The following TNRC6C variants were observed in gnomAD, a reference collection of about 807,000 sequenced individuals.
TNRC6C encodes trinucleotide repeat containing adaptor 6C, also known as trinucleotide repeat-containing gene 6C protein.
TNRC6C carries 20 observed loss-of-function variants against 153.7 expected under a neutral mutation model. That is an observed-to-expected ratio of 0.13 (90% confidence interval 0.09 to 0.19). The LOEUF (loss-of-function observed/expected upper bound fraction) is 0.19. Ranked by LOEUF, TNRC6C falls within the 10% of genes least tolerant of loss-of-function variation. The pLI is 1.00. For missense variants in TNRC6C, 1,987 were observed against 2,172.0 expected (o/e 0.91, Z 1.69); for synonymous variants, 811 against 841.4 (o/e 0.96, Z 0.63).
At chr17:77,960,419 A>G (rs1037961207) in intron 1 of TNRC6C, among the ~76,000 whole-genome samples, 2 of 152,122 alleles carry the variant, frequency 1.3e-5, no homozygotes, top group African/African-American at 4.8e-5. Context: ...TCGCTGTGAG[A>G]GCCTCGTACG....
At chr17:78,093,537 C>T in intron 15 of TNRC6C, 83 bp from the exon 18 acceptor site, 1 of 1,529,080 alleles carries the variant, frequency 6.5e-7, no homozygotes, top group Non-Finnish European at 8.9e-7. Context: ...TTTCTACAAA[C>T]AGGACAAAAC....
chr17:77,995,803 A>C (rs1351307519), intron 1 of TNRC6C, among the ~76,000 whole-genome samples: 2 of 152,330 alleles, frequency 1.3e-5, no homozygotes, highest in East Asian at 3.9e-4. Context: ...TTTCTGACTT[A>C]ATTTGAGGTG....
In TNRC6C at chr17:78,101,245, C is replaced by T. The variant is rs183145665; in HGVS notation, c.4502-1229C>T. ...AATCTCTAGGGCAGGGGCAAAATGC[C>T]GCCAGTCTCTTTGCTAAAACAACAA... On this transcript the variant is annotated intron_variant, in intron 17 of 19. Transcript: ENST00000301624. Among the ~76,000 whole-genome samples the T allele has an allele frequency of 1.3e-4, 20 of 152,238 alleles. No individual in the cohort carries two copies. The South Asian group carries it at 2.7e-3, about 20-fold the overall frequency.
chr17:78,101,715 G>C lies in TNRC6C; in HGVS notation c.4502-759G>C, dbSNP rs578019765. Among the ~76,000 whole-genome samples, 19 of 152,236 alleles carry C rather than the reference G, an allele frequency of 1.2e-4. No homozygotes were observed. The South Asian group carries it at 3.3e-3, about 27-fold the overall frequency. On this transcript the variant is annotated intron_variant, in intron 17 of 19. Coordinates refer to ENST00000301624, the Ensembl canonical transcript of TNRC6C. ...ATCCCTTATGGGAGATAAAGGGATGGGTTTGGCTAGTTATCTGCAACAGGA... is the reference window on the plus strand; with the variant it reads ...ATCCCTTATGGGAGATAAAGGGATGCGTTTGGCTAGTTATCTGCAACAGGA...
intron 3 of TNRC6C, among the ~76,000 whole-genome samples, chr17:78,052,380 C>G (rs1047100107): frequency 2.6e-5 from 4 of 152,146 alleles, no homozygotes; most frequent in African/African-American, 9.7e-5. Flanking sequence ...TTATTGGGAC[C>G]TGCCATGTAC....
Position 78,077,166 on chromosome 17 carries a change from C to T in TNRC6C, c.3061-19C>T, listed in dbSNP as rs1468055278. On this transcript the variant is annotated intron_variant, in intron 8 of 19. Transcript: ENST00000301624. Reference sequence around the variant, plus strand: ...CTGATGGACACTGCACACAGCTCACCCTTTCTTTCTCCAATCAGGATGGCG... The same window carrying T: ...CTGATGGACACTGCACACAGCTCACTCTTTCTTTCTCCAATCAGGATGGCG... The T allele has an allele frequency of 2.5e-6, 4 of 1,594,950 alleles. No individual in the cohort carries two copies. The highest frequency in any genetic ancestry group is 3.4e-6 in the Non-Finnish European group (4 of 1,171,740).
At chr17:78,018,595 C>T (rs781641171) in intron 1 of TNRC6C, among the ~76,000 whole-genome samples, 8 of 152,024 alleles carry the variant, frequency 5.3e-5, no homozygotes. Flanking sequence ...GAGTTTGAGC[C>T]CTTATTTACC....
At chr17:77,992,719 G>C (rs2071270502) in intron 1 of TNRC6C, among the ~76,000 whole-genome samples, 1 of 152,162 alleles carries the variant, frequency 6.6e-6, no homozygotes, top group Non-Finnish European at 1.5e-5. Flanking sequence ...GCATGACTAC[G>C]TCGCCTGTGT....
intron 3 of TNRC6C, among the ~76,000 whole-genome samples, chr17:78,056,111 A>G (rs1598740734): frequency 2.0e-5 from 3 of 151,618 alleles, no homozygotes; most frequent in Non-Finnish European, 2.9e-5. Flanking sequence ...TGGCCTCCCA[A>G]AGTGTTGGGA....
At chr17:78,050,598 G>A (rs751838248) in exon 3 of TNRC6C, 4 of 1,584,348 alleles carry the variant, frequency 2.5e-6, no homozygotes, top group South Asian at 2.3e-5. Flanking sequence ...GGGTCAACGC[G>A]CCACCTGCCG....
intron 3 of TNRC6C, among the ~76,000 whole-genome samples, chr17:78,060,512 G>T (rs995633394): frequency 7.9e-6 from 1 of 126,660 alleles, no homozygotes; most frequent in African/African-American, 3.1e-5. Context: ...TAACTCTGTC[G>T]CCCAGGCTGG....
At chr17:78,036,386 A>G (rs1305509617) in intron 2 of TNRC6C, among the ~76,000 whole-genome samples, 2 of 152,216 alleles carry the variant, frequency 1.3e-5, no homozygotes, top group South Asian at 2.1e-4. Context: ...GTATTTGACC[A>G]GTTGCCTGCT....
At chr17:78,002,470 A>G (rs1453797860), upstream of TNRC6C, among the ~76,000 whole-genome samples, 2 of 152,232 alleles carry the variant, frequency 1.3e-5, no homozygotes, top group Non-Finnish European at 2.9e-5. Flanking sequence ...CATCTTGTCA[A>G]ATTCTCACTG....
chr17:77,957,950 A>T (rs1476438023), upstream of TNRC6C, among the ~76,000 whole-genome samples: 1 of 152,174 alleles, frequency 6.6e-6, no homozygotes, highest in Non-Finnish European at 1.5e-5. Flanking sequence ...CTCCGGGGAA[A>T]GGGCTGTCTC....
chr17:77,965,086 T>A (rs1400787717), intron 1 of TNRC6C, among the ~76,000 whole-genome samples: 1 of 152,084 alleles, frequency 6.6e-6, no homozygotes, highest in Non-Finnish European at 1.5e-5. Context: ...AGGACATGAG[T>A]TTATCTTATT....
chr17:78,075,056 G>C lies in TNRC6C; in HGVS notation c.2918-80G>C. 4.5e-6 allele frequency: 7 copies of C among 1,538,806 alleles called. No homozygotes were observed. The highest frequency in any genetic ancestry group is 6.2e-6 in the Non-Finnish European group (7 of 1,134,462). ...GGGTGGAGGGTCTCCATCCCTCCTT[G>C]AGGCCTTAGCTGGTGCCTATCTTGT... is the stretch of plus-strand genomic sequence containing the variant. On this transcript the variant is annotated intron_variant, in intron 7 of 19. Transcript: ENST00000301624. This position sits in a 1 kb window ranked among gnomAD's most constrained non-coding sequence, Gnocchi z 4.2.
At chr17:78,021,244 A>C (rs1049126582) in intron 1 of TNRC6C, among the ~76,000 whole-genome samples, 12 of 152,244 alleles carry the variant, frequency 7.9e-5, no homozygotes, top group African/African-American at 2.7e-4. Flanking sequence ...CAGAGAGTCC[A>C]GGGCTGGAGA....
intron 1 of TNRC6C, among the ~76,000 whole-genome samples, chr17:78,017,098 A>G (rs2071742670): frequency 6.6e-6 from 1 of 152,222 alleles, no homozygotes; most frequent in Non-Finnish European, 1.5e-5. Context: ...GGTGGAGTAT[A>G]CAGTCAGGGA....
At chr17:78,076,427 A>G (rs949133782) in intron 8 of TNRC6C, among the ~76,000 whole-genome samples, 4 of 152,196 alleles carry the variant, frequency 2.6e-5, no homozygotes, top group African/African-American at 7.2e-5. Flanking sequence ...AATTGGAATT[A>G]CAGATAAATA....
Sources: allele counts gnomAD v4.1 joint callset (sites outside exome capture counted in the v4.1 genomes callset), GRCh38; gene constraint gnomAD v4.1.1; non-coding constraint Gnocchi (gnomAD v3.1); transcripts MANE v1.5; gene names NCBI Gene and HGNC (gene_info 2026-07-23, HGNC 2026-07-21).